CSPP1: variants seen among roughly 807,000 people sequenced by gnomAD.
The protein encoded by CSPP1 is centrosome and spindle pole associated protein 1, also known as centrosome and spindle pole-associated protein 1.
Under a neutral mutation model 164.4 loss-of-function variants are expected in CSPP1, and 126 were observed. That is an observed-to-expected ratio of 0.77 (90% confidence interval 0.66 to 0.89). The LOEUF (loss-of-function observed/expected upper bound fraction) is 0.89, where lower values mean the gene tolerates loss of function less well. Ranked by LOEUF, CSPP1 falls within the 40% of genes least tolerant of loss-of-function variation. The pLI, the probability that CSPP1 is intolerant of heterozygous loss-of-function variation, is 0.00. For missense variants in CSPP1, 1,395 were observed against 1,449.8 expected (o/e 0.96, Z 0.61); for synonymous variants, 472 against 476.7 (o/e 0.99, Z 0.13).
chr8:67,081,352 G>C (rs1024060621), intron 3 of CSPP1, among the ~76,000 whole-genome samples: 3 of 150,650 alleles, frequency 2.0e-5, no homozygotes, highest in African/African-American at 7.4e-5. Flanking sequence ...TGGAGACAAA[G>C]GATTCAATTT....
chr8:67,168,123 C>T (rs972700209), intron 24 of CSPP1, among the ~76,000 whole-genome samples: 7 of 152,066 alleles, frequency 4.6e-5, no homozygotes, highest in East Asian at 3.9e-4. Context: ...AGCGAAACCC[C>T]GTTTCCACCA....
In CSPP1 at chr8:67,070,985, C is replaced by T. The variant is rs149949715; in HGVS notation, c.-10-3258C>T. 8.7e-3 allele frequency among the ~76,000 whole-genome samples: 1,317 copies of T among 152,018 alleles called. 16 individuals carry two copies. Among genetic ancestry groups the T allele is most frequent in the African/African-American group, 0.03 (1,233 of 41,488 alleles). On this transcript the variant is annotated intron_variant, in intron 1 of 30. Transcript: ENST00000678616. Reference sequence around the variant, plus strand: ...TGCCCAGGCTGGTCTTGACCTCCTGCGCTCAAGTGATCCCACCTCAGCCTC... The same window carrying T: ...TGCCCAGGCTGGTCTTGACCTCCTGTGCTCAAGTGATCCCACCTCAGCCTC...
intron 3 of CSPP1, among the ~76,000 whole-genome samples, chr8:67,081,722 C>T (rs1809227638): frequency 6.6e-6 from 1 of 152,170 alleles, no homozygotes; most frequent in African/African-American, 2.4e-5. Flanking sequence ...GTGTCAAGGT[C>T]TTAAAACATG....
Position 67,175,034 on chromosome 8 carries a change from G to A in CSPP1, c.2969-262G>A, listed in dbSNP as rs1831277205. The A allele has an allele frequency of 7.5e-6, 3 of 399,228 alleles. No homozygotes were observed. The Admixed American group carries it at 1.1e-4, about 15-fold the overall frequency. The allele number at this position is 399,228 out of a possible 1,614,324, so 24.7% of individuals were successfully genotyped here. On this transcript the variant is annotated intron_variant, in intron 25 of 30. Coordinates refer to ENST00000678616, the MANE Select transcript of CSPP1 (RefSeq NM_001382391.1). ...TGGCAGGGCTAGGACAGGTAGAGATGGACAATGCAACATCCACTGCTTGTT... is the reference window on the plus strand; with the variant it reads ...TGGCAGGGCTAGGACAGGTAGAGATAGACAATGCAACATCCACTGCTTGTT...
At chr8:67,072,421 T>G (rs975481732) in intron 1 of CSPP1, among the ~76,000 whole-genome samples, 1 of 152,168 alleles carries the variant, frequency 6.6e-6, no homozygotes, top group Non-Finnish European at 1.5e-5. Context: ...AACCACAGAT[T>G]GGCAGAAAAT....
chr8:67,079,337 G>C (rs1808647239), intron 3 of CSPP1, among the ~76,000 whole-genome samples: 1 of 152,144 alleles, frequency 6.6e-6, no homozygotes. Context: ...TTATACTCTT[G>C]TCAAACTTTC....
chr8:67,078,880 G>A (rs2129542121), intron 3 of CSPP1, among the ~76,000 whole-genome samples: 1 of 152,148 alleles, frequency 6.6e-6, no homozygotes, highest in Non-Finnish European at 1.5e-5. Context: ...GGCTGAGGTG[G>A]GAGGATCACT....
intron 15 of CSPP1, among the ~76,000 whole-genome samples, chr8:67,127,001 A>G (rs1347822863): frequency 6.6e-6 from 1 of 151,908 alleles, no homozygotes; most frequent in Non-Finnish European, 1.5e-5. Context: ...GACCTATTCT[A>G]CCTGTCCAGT....
chr8:67,170,436 A>G (rs1830254800), intron 24 of CSPP1, among the ~76,000 whole-genome samples: 1 of 152,128 alleles, frequency 6.6e-6, no homozygotes, highest in East Asian at 1.9e-4. Context: ...AGCCTGGGCA[A>G]CAGAGCAGGA....
chr8:67,115,693 AAGAT>A (rs1243365015), intron 12 of CSPP1, among the ~76,000 whole-genome samples: 6 of 152,070 alleles, frequency 3.9e-5, no homozygotes, highest in East Asian at 1.9e-4. Context: ...ATAAATAAAT[AAGAT>A]AGATAGATAG....
intron 6 of CSPP1, among the ~76,000 whole-genome samples, chr8:67,094,557 C>A: frequency 6.6e-6 from 1 of 151,830 alleles, no homozygotes; most frequent in East Asian, 1.9e-4. Context: ...CAGGCGTGAG[C>A]CACCAGGCCC....
At position 67,163,776 on chromosome 8, in the gene CSPP1, G is replaced by A. The variant is rs2129562485; in HGVS notation, c.2688G>A (p.Arg896=). Residue 896 remains arginine (R), a synonymous_variant, in exon 23 of 31, where the codon AGG becomes AGA. Coordinates refer to ENST00000678616, the MANE Select transcript of CSPP1 (RefSeq NM_001382391.1). ...SRAQSPPVPA[R]KNQLRAEEEK... ...CACAGTCACCCCCGGTACCTGCCAGGAAAAATCAGCTCCGTGCAGAAGGTA... is the reference window on the plus strand; with the variant it reads ...CACAGTCACCCCCGGTACCTGCCAGAAAAAATCAGCTCCGTGCAGAAGGTA... The A allele has an allele frequency of 1.2e-5, 20 of 1,613,538 alleles. No homozygotes were observed. Among genetic ancestry groups the A allele is most frequent in the Admixed American group, 1.7e-5 (1 of 59,974 alleles).
chr8:67,141,014 A>G (rs1823382912), intron 17 of CSPP1, among the ~76,000 whole-genome samples: 1 of 152,228 alleles, frequency 6.6e-6, no homozygotes, highest in African/African-American at 2.4e-5. Context: ...TAATAGCCAT[A>G]TGGGCAATCT....
At chr8:67,116,368 GTATT>G (rs950440728) in intron 13 of CSPP1, among the ~76,000 whole-genome samples, 8 of 152,000 alleles carry the variant, frequency 5.3e-5, no homozygotes, top group Admixed American at 4.6e-4. Flanking sequence ...GTACATTTTA[GTATT>G]TATTTAGTTT....
chr8:67,077,480 C>T (rs1238024926), intron 3 of CSPP1, among the ~76,000 whole-genome samples: 6 of 152,106 alleles, frequency 3.9e-5, no homozygotes, highest in East Asian at 1.9e-4. Flanking sequence ...GGATTACAGG[C>T]GCATGCCACC....
chr8:67,159,852 T>TTC (rs1554605176), intron 21 of CSPP1, among the ~76,000 whole-genome samples: 46 of 47,590 alleles, frequency 9.7e-4, no homozygotes, highest in African/African-American at 2.3e-3. Context: ...CTTTCTTTCT[T>TTC]TTTCTTTCTT....
intron 8 of CSPP1, 150 bp from the exon 9 acceptor site, chr8:67,105,755 T>A (rs1261738648): frequency 1.7e-6 from 1 of 592,582 alleles, no homozygotes; most frequent in Non-Finnish European, 3.0e-6. Context: ...TGCCATGATT[T>A]TACCTTAACC....
chr8:67,193,208 C>G (rs1441807341), intron 29 of CSPP1, among the ~76,000 whole-genome samples: 1 of 152,140 alleles, frequency 6.6e-6, no homozygotes, highest in African/African-American at 2.4e-5. Context: ...CCTCCACCTC[C>G]TGCCTCAGCC....
chr8:67,192,431 A>G (rs1044786112), intron 29 of CSPP1, among the ~76,000 whole-genome samples: 1 of 152,188 alleles, frequency 6.6e-6, no homozygotes, highest in African/African-American at 2.4e-5. Flanking sequence ...GTTCTTTTAC[A>G]TTCTCACTAC....
Sources: gnomAD v4.1 joint callset for allele counts (sites outside exome capture counted in the v4.1 genomes callset) on GRCh38, gnomAD v4.1.1 for gene constraint, MANE v1.5 for transcripts, NCBI Gene and HGNC (gene_info 2026-07-23, HGNC 2026-07-21) for gene names.